Variants in UTS2 observed in about 807,000 individuals in gnomAD.
UTS2 encodes urotensin-2.
UTS2 carries 10 observed loss-of-function variants against 12.6 expected under a neutral mutation model. The observed-to-expected ratio is 0.80, with a 90% CI of 0.49 to 1.35. UTS2 has a LOEUF of 1.35. UTS2 is among the 40% of genes most tolerant of loss of function. The pLI is 0.00. For missense variants in UTS2, 142 were observed against 143.2 expected, an observed-to-expected ratio of 0.99 and a Z score of 0.04; for synonymous variants, 52 against 50.0, an observed-to-expected ratio of 1.04 and a Z score of -0.17.
At chr1:7,862,069 C>A in the UTS2 span, among the ~76,000 whole-genome samples, 1 of 151,936 alleles carries the variant, frequency 6.6e-6, no homozygotes, top group East Asian at 1.9e-4. Flanking sequence ...CTGCCCACCA[C>A]GCCCGGCTAA....
chr1:7,871,858 G>A, the UTS2 span, among the ~76,000 whole-genome samples: 516 of 150,006 alleles, frequency 3.4e-3, 4 homozygotes, highest in African/African-American at 8.2e-3. Flanking sequence ...TCAACTGGCC[G>A]TTCCCCCATC....
At chr1:7,854,214 C>T (rs940249615), upstream of UTS2, among the ~76,000 whole-genome samples, 1 of 151,844 alleles carries the variant, frequency 6.6e-6, no homozygotes, top group Non-Finnish European at 1.5e-5. Context: ...CATGGTGGCA[C>T]GTGCCTGTAA....
the UTS2 span, among the ~76,000 whole-genome samples, chr1:7,906,479 G>GAAAGAAAGA: frequency 8.0e-6 from 1 of 124,976 alleles, no homozygotes; most frequent in Non-Finnish European, 1.7e-5. Context: ...AAGAAAGAAA[G>GAAAGAAAGA]AAAGAAAGAA....
the UTS2 span, among the ~76,000 whole-genome samples, chr1:7,906,491 G>GAAAGAAAGAA: frequency 4.5e-4 from 55 of 123,422 alleles, no homozygotes; most frequent in African/African-American, 1.5e-3. Context: ...AAGAAAGAAA[G>GAAAGAAAGAA]AAAGAAAGAA....
At chr1:7,853,167 A>C, upstream of UTS2, 1 of 1,497,826 alleles carries the variant, frequency 6.7e-7, no homozygotes, top group South Asian at 1.3e-5. Context: ...GGAGGCTAAA[A>C]GGCAATCACT....
chr1:7,886,817 C>T, the UTS2 span, among the ~76,000 whole-genome samples: 8,283 of 151,862 alleles, frequency 0.055, 1,003 homozygotes, highest in East Asian at 0.46. Flanking sequence ...CTTTGGGAGG[C>T]CAAGGCAGGG....
At chr1:7,859,117 G>A in the UTS2 span, among the ~76,000 whole-genome samples, 2 of 152,132 alleles carry the variant, frequency 1.3e-5, no homozygotes, top group Admixed American at 1.3e-4. Context: ...GAGGATACCT[G>A]AAACCAGGGC....
the UTS2 span, among the ~76,000 whole-genome samples, chr1:7,887,252 T>C: frequency 6.6e-6 from 1 of 151,764 alleles, no homozygotes; most frequent in African/African-American, 2.4e-5. Flanking sequence ...AGCGGCTTTT[T>C]CCATTGTGGG....
At chr1:7,902,067 C>T in the UTS2 span, among the ~76,000 whole-genome samples, 3 of 152,118 alleles carry the variant, frequency 2.0e-5, no homozygotes, top group African/African-American at 7.2e-5. Flanking sequence ...CTGGTAACAC[C>T]AGGCTGGGAG....
upstream of UTS2, among the ~76,000 whole-genome samples, chr1:7,854,511 C>CAAAAAA (rs34363679): frequency 2.0e-5 from 2 of 99,446 alleles, no homozygotes; most frequent in African/African-American, 3.8e-5. Context: ...GACCATGTCT[C>CAAAAAA]AAAAAAAAAA....
chr1:7,853,386 G>T (rs200948566), upstream of UTS2: 2 of 1,614,038 alleles, frequency 1.2e-6, no homozygotes, highest in African/African-American at 2.7e-5. Flanking sequence ...TTATGAGTCC[G>T]AGCAGAAGTG....
chr1:7,872,941 C>G, the UTS2 span, among the ~76,000 whole-genome samples: 1 of 152,144 alleles, frequency 6.6e-6, no homozygotes, highest in East Asian at 1.9e-4. Context: ...TTGTTAGGAG[C>G]TAATGCAGAT....
the UTS2 span, among the ~76,000 whole-genome samples, chr1:7,876,946 A>G: frequency 1.3e-5 from 2 of 151,956 alleles, no homozygotes; most frequent in South Asian, 4.2e-4. Context: ...CCTGGCCAAC[A>G]TGGTGAAACT....
the UTS2 span, among the ~76,000 whole-genome samples, chr1:7,912,637 G>T: frequency 6.6e-6 from 1 of 152,078 alleles, no homozygotes; most frequent in Non-Finnish European, 1.5e-5. Flanking sequence ...TATATTTTTA[G>T]TAGAGACGGT....
chr1:7,860,173 G>A, the UTS2 span, among the ~76,000 whole-genome samples: 28 of 152,198 alleles, frequency 1.8e-4, no homozygotes, highest in Non-Finnish European at 3.2e-4. Context: ...CCGAGTTTAT[G>A]TTCAGTGTCA....
At chr1:7,859,125 G>A in the UTS2 span, among the ~76,000 whole-genome samples, 1 of 151,996 alleles carries the variant, frequency 6.6e-6, no homozygotes, top group Admixed American at 6.5e-5. Flanking sequence ...CTGAAACCAG[G>A]GCAGCTCATA....
the UTS2 span, among the ~76,000 whole-genome samples, chr1:7,896,380 A>C: frequency 6.6e-6 from 1 of 152,158 alleles, no homozygotes; most frequent in Non-Finnish European, 1.5e-5. Flanking sequence ...TTTACAGGTG[A>C]TTTCTACCAA....
chr1:7,897,929 G>A, the UTS2 span, among the ~76,000 whole-genome samples: 1 of 152,214 alleles, frequency 6.6e-6, no homozygotes, highest in Non-Finnish European at 1.5e-5. Flanking sequence ...TCTTTTGGTA[G>A]AGCATTCCTA....
At chr1:7,863,047 T>TGTATTGTA in the UTS2 span, among the ~76,000 whole-genome samples, 4 of 37,032 alleles carry the variant, frequency 1.1e-4, no homozygotes, top group South Asian at 1.1e-3. Context: ...TGTATTGTAT[T>TGTATTGTA]GTATTGTATT....
Sources: gnomAD v4.1 joint callset for allele counts (sites outside exome capture counted in the v4.1 genomes callset) on GRCh38, gnomAD v4.1.1 for gene constraint, MANE v1.5 for transcripts, NCBI Gene and HGNC (gene_info 2026-07-23, HGNC 2026-07-21) for gene names.